The following ARHGAP15 variants were observed in gnomAD, a reference collection of about 807,000 sequenced individuals.
ARHGAP15 encodes the protein rho GTPase-activating protein 15.
ARHGAP15 carries 51 observed loss-of-function variants against 63.7 expected under a neutral mutation model. The ratio of observed to expected loss-of-function variants is 0.80; its 90% CI spans 0.64 to 1.01. The LOEUF (loss-of-function observed/expected upper bound fraction) is 1.01, where lower values mean the gene tolerates loss of function less well. Ranked by LOEUF, ARHGAP15 falls within the 50% of genes least tolerant of loss-of-function variation. ARHGAP15 has a pLI of 0.00. For synonymous variants in ARHGAP15, 191 were observed against 193.8 expected (o/e 0.99, Z 0.12); for missense variants, 560 against 564.6 (o/e 0.99, Z 0.08).
chr2:143,356,060 A>AG (rs574827343), intron 6 of ARHGAP15, among the ~76,000 whole-genome samples: 84 of 151,860 alleles, frequency 5.5e-4, no homozygotes, highest in South Asian at 2.3e-3. Context: ...TTAAAAAAAA[A>AG]AGAGAGAGAG....
intron 6 of ARHGAP15, among the ~76,000 whole-genome samples, chr2:143,344,596 C>T (rs1416415897): frequency 3.9e-5 from 6 of 152,048 alleles, no homozygotes; most frequent in South Asian, 2.1e-4. Flanking sequence ...GTGAAAACTT[C>T]GGCATAAATT....
intron 5 of ARHGAP15, among the ~76,000 whole-genome samples, chr2:143,232,306 C>T (rs538572931): frequency 6.6e-6 from 1 of 152,210 alleles, no homozygotes; most frequent in South Asian, 2.1e-4. Flanking sequence ...ATAAAAGACA[C>T]CCTTTACCAA....
chr2:143,359,391 T>C (rs1396123727), intron 6 of ARHGAP15, among the ~76,000 whole-genome samples: 1 of 152,220 alleles, frequency 6.6e-6, no homozygotes, highest in African/African-American at 2.4e-5. Context: ...AGGACTATCA[T>C]CAACACCTTT....
intron 6 of ARHGAP15, chr2:143,314,299 C>T (rs893078237): frequency 2.0e-5 from 3 of 152,084 alleles, no homozygotes; most frequent in Non-Finnish European, 4.4e-5. Context: ...TCCAAAAATG[C>T]TAGATGACAT....
intron 3 of ARHGAP15, among the ~76,000 whole-genome samples, chr2:143,210,305 T>C (rs1692515673): frequency 6.6e-6 from 1 of 151,252 alleles, no homozygotes; most frequent in Non-Finnish European, 1.5e-5. Context: ...TCAGCCTGTT[T>C]CCCAAACAGA....
At position 143,437,047 on chromosome 2, in the gene ARHGAP15, G is replaced by A. The variant is rs374422960; in HGVS notation, c.703+5G>A. 2.0e-5 allele frequency: 32 copies of A among 1,589,886 alleles called. No individual in the cohort carries two copies. The highest frequency in any genetic ancestry group is 2.5e-5 in the Non-Finnish European group (29 of 1,173,646). On this transcript the variant is annotated splice_donor_5th_base_variant and intron_variant, in intron 8 of 13. Transcript: ENST00000295095. ...CAGAGCACAGAAAATCTTTAAGTGA[G>A]TATTTTCTTTGACTTGCTCATTTTA...
At chr2:143,735,233 A>G (rs1685699112) in intron 13 of ARHGAP15, among the ~76,000 whole-genome samples, 1 of 152,186 alleles carries the variant, frequency 6.6e-6, no homozygotes, top group African/African-American at 2.4e-5. Context: ...TTAGGCTTCC[A>G]TAGGTATCTA....
chr2:143,636,992 T>C (rs914475414), intron 12 of ARHGAP15, among the ~76,000 whole-genome samples: 1 of 152,100 alleles, frequency 6.6e-6, no homozygotes, highest in Non-Finnish European at 1.5e-5. Flanking sequence ...AAACACAAGA[T>C]CATTGTGTCC....
intron 6 of ARHGAP15, among the ~76,000 whole-genome samples, chr2:143,342,387 G>A (rs1332334728): frequency 1.3e-5 from 2 of 152,144 alleles, no homozygotes; most frequent in East Asian, 1.9e-4. Context: ...GTCTCGAATA[G>A]GAAAGATGAT....
At chr2:143,659,395 CT>C (rs1305586008) in intron 12 of ARHGAP15, among the ~76,000 whole-genome samples, 1 of 152,006 alleles carries the variant, frequency 6.6e-6, no homozygotes, top group Non-Finnish European at 1.5e-5. Flanking sequence ...ATATATTCAT[CT>C]TTATTCATTA....
chr2:143,552,641 T>C (rs1466242469), intron 10 of ARHGAP15, among the ~76,000 whole-genome samples: 1 of 152,172 alleles, frequency 6.6e-6, no homozygotes, highest in Admixed American at 6.5e-5. Context: ...GTAAACACTA[T>C]TTTGAAATAT....
chr2:143,233,330 C>G (rs1317469720), intron 5 of ARHGAP15, among the ~76,000 whole-genome samples: 1 of 151,910 alleles, frequency 6.6e-6, no homozygotes, highest in Non-Finnish European at 1.5e-5. Flanking sequence ...AAAAAAATCT[C>G]TATTTCTCCC....
chr2:143,608,035 T>C (rs1698108835), intron 11 of ARHGAP15: 2 of 152,170 alleles, frequency 1.3e-5, no homozygotes, highest in African/African-American at 4.8e-5. Context: ...TGTCTCTTGT[T>C]TTTTTCCGCT....
At chr2:143,666,888 T>C (rs1203401644) in intron 12 of ARHGAP15, among the ~76,000 whole-genome samples, 2 of 147,764 alleles carry the variant, frequency 1.4e-5, no homozygotes, top group African/African-American at 2.6e-5. Context: ...TCACACCAGT[T>C]AGAATGGCAA....
intron 13 of ARHGAP15, among the ~76,000 whole-genome samples, chr2:143,748,977 T>TC (rs1020642781): frequency 7.2e-5 from 11 of 152,022 alleles, no homozygotes; most frequent in Non-Finnish European, 1.2e-4. Flanking sequence ...ATTTTTTTTT[T>TC]CCCCCTACAA....
At chr2:143,201,539 A>G (rs190141140) in intron 2 of ARHGAP15, among the ~76,000 whole-genome samples, 27 of 152,152 alleles carry the variant, frequency 1.8e-4, no homozygotes, top group Non-Finnish European at 2.8e-4. Context: ...CTGTAAAACA[A>G]TTGATCTCAT....
chr2:143,249,005 A>G (rs543809278), intron 5 of ARHGAP15, among the ~76,000 whole-genome samples: 56 of 152,312 alleles, frequency 3.7e-4, no homozygotes, highest in African/African-American at 1.3e-3. Context: ...TATAAGAAGC[A>G]TGTTGTTGTT....
intron 10 of ARHGAP15, among the ~76,000 whole-genome samples, chr2:143,542,588 C>A (rs1695120784): frequency 6.9e-6 from 1 of 145,858 alleles, no homozygotes; most frequent in African/African-American, 2.5e-5. Context: ...ACATATATAT[C>A]ATATATGTGT....
chr2:143,724,371 C>T (rs1217214336), intron 13 of ARHGAP15, among the ~76,000 whole-genome samples: 1 of 152,088 alleles, frequency 6.6e-6, no homozygotes, highest in Non-Finnish European at 1.5e-5. Flanking sequence ...GAATGAAAGC[C>T]CACTATAAAC....
Sources: allele counts gnomAD v4.1 joint callset (sites outside exome capture counted in the v4.1 genomes callset), GRCh38; gene constraint gnomAD v4.1.1; transcripts MANE v1.5; gene names NCBI Gene and HGNC (gene_info 2026-07-23, HGNC 2026-07-21).